CYP4X1: variants seen among roughly 807,000 people sequenced by gnomAD.
CYP4X1 encodes cytochrome P450 4X1.
In CYP4X1, 44 loss-of-function variants were observed where a neutral mutation model predicts 57.9. The observed-to-expected ratio is 0.76, with a 90% confidence interval of 0.60 to 0.98. The LOEUF (loss-of-function observed/expected upper bound fraction) is 0.98. CYP4X1 is among the 50% of genes least tolerant of loss of function. The pLI, the probability that CYP4X1 is intolerant of heterozygous loss-of-function variation, is 0.00. For missense variants in CYP4X1, 532 were observed against 623.9 expected (o/e 0.85, Z 1.57); for synonymous variants, 227 against 228.6 (o/e 0.99, Z 0.06).
chr1:46,997,243 C>T, the CYP4X1 span, among the ~76,000 whole-genome samples: 1 of 152,096 alleles, frequency 6.6e-6, no homozygotes, highest in African/African-American at 2.4e-5. Flanking sequence ...ATTATAGATT[C>T]AGGAGGTACA....
the CYP4X1 span, among the ~76,000 whole-genome samples, chr1:46,971,889 A>G: frequency 3.4e-4 from 51 of 152,100 alleles, no homozygotes; most frequent in Admixed American, 7.9e-4. Context: ...TAGACTGTCC[A>G]TGTACTCTGT....
At chr1:47,000,280 C>G in the CYP4X1 span, among the ~76,000 whole-genome samples, 3 of 152,094 alleles carry the variant, frequency 2.0e-5, no homozygotes, top group Non-Finnish European at 4.4e-5. Flanking sequence ...TTTCCTGAGG[C>G]CTCCCTAGTC....
chr1:46,963,917 A>G, the CYP4X1 span, among the ~76,000 whole-genome samples: 3 of 152,266 alleles, frequency 2.0e-5, no homozygotes, highest in East Asian at 3.9e-4. Flanking sequence ...ACATAGTCCC[A>G]TATTTCTTGG....
At chr1:46,983,359 G>C in the CYP4X1 span, among the ~76,000 whole-genome samples, 1 of 152,218 alleles carries the variant, frequency 6.6e-6, no homozygotes, top group Non-Finnish European at 1.5e-5. Context: ...ACAGGGAAGA[G>C]AGACTGGGCT....
chr1:46,980,798 C>T, the CYP4X1 span, among the ~76,000 whole-genome samples: 1 of 152,104 alleles, frequency 6.6e-6, no homozygotes, highest in Non-Finnish European at 1.5e-5. Flanking sequence ...ATCAATGGAA[C>T]AGAACAGAGG....
the CYP4X1 span, among the ~76,000 whole-genome samples, chr1:47,018,186 A>T: frequency 6.6e-6 from 1 of 152,126 alleles, no homozygotes; most frequent in African/African-American, 2.4e-5. Context: ...GGGGAGGAAG[A>T]GAGTTTTTAT....
intron 8 of CYP4X1, 25 bp downstream of exon 8, chr1:47,039,557 C>T: frequency 6.4e-7 from 1 of 1,551,334 alleles, no homozygotes; most frequent in Non-Finnish European, 8.7e-7. Flanking sequence ...CCTAAATTTT[C>T]CTGCTAGTTT....
chr1:46,973,770 G>A, the CYP4X1 span, among the ~76,000 whole-genome samples: 11 of 151,874 alleles, frequency 7.2e-5, no homozygotes, highest in Non-Finnish European at 1.0e-4. Context: ...TGGTGGTAAC[G>A]TCCTCTGTCA....
chr1:46,964,634 G>A, the CYP4X1 span, among the ~76,000 whole-genome samples: 1 of 152,208 alleles, frequency 6.6e-6, no homozygotes, highest in Admixed American at 6.5e-5. Context: ...ACCATGTGAG[G>A]TGTCAGTCTG....
intron 1 of CYP4X1, among the ~76,000 whole-genome samples, chr1:47,029,629 A>G (rs954226147): frequency 1.3e-5 from 2 of 152,164 alleles, no homozygotes; most frequent in African/African-American, 2.4e-5. Context: ...CACATAGGAA[A>G]TACTTCTTTT....
chr1:47,023,725 G>A lies in CYP4X1; in HGVS notation c.-93G>A. The A allele has an allele frequency of 1.3e-6, 2 of 1,492,064 alleles. No individual in the cohort carries two copies. The highest frequency in any genetic ancestry group is 1.8e-6 in the Non-Finnish European group (2 of 1,124,706). 92.4% of individuals were successfully genotyped at this position (1,492,064 alleles called of 1,614,324 possible). The stretch of plus-strand genomic sequence containing the variant: ...CTTCGCGAGGGCCCAGAGAGGCGGT[G>A]GGGTGGGCGACCCTACGCCAGCTCC... On this transcript the variant is annotated 5_prime_UTR_variant, in exon 1 of 12. Coordinates refer to ENST00000371901, the MANE Select transcript of CYP4X1 (RefSeq NM_178033.2).
At chr1:47,006,250 G>A in the CYP4X1 span, among the ~76,000 whole-genome samples, 1 of 152,174 alleles carries the variant, frequency 6.6e-6, no homozygotes, top group Admixed American at 6.5e-5. Context: ...TCTAAAAACT[G>A]TGGAATTGTT....
Position 47,039,724 on chromosome 1 carries a change from G to T in CYP4X1, c.1073+192G>T, listed in dbSNP as rs533878351. 95 of 376,372 alleles carry T rather than the reference G, an allele frequency of 2.5e-4. 2 individuals carry two copies. The highest frequency in any genetic ancestry group is 2.1e-3 in the East Asian group (47 of 22,332). 23.3% of individuals were successfully genotyped at this position (376,372 alleles called of 1,614,324 possible). On this transcript the variant is annotated intron_variant, in intron 8 of 11. Transcript: ENST00000371901. Reference sequence around the variant, plus strand: ...TTGTCTTTCAGGAAAAAAAAAAAAAGTTTATTTATCCATAAATTGTCTGTC... The same window carrying T: ...TTGTCTTTCAGGAAAAAAAAAAAAATTTTATTTATCCATAAATTGTCTGTC...
chr1:46,995,827 A>G, the CYP4X1 span, among the ~76,000 whole-genome samples: 1 of 152,238 alleles, frequency 6.6e-6, no homozygotes, highest in African/African-American at 2.4e-5. Flanking sequence ...CCATGCAACA[A>G]CGTACACCCC....
chr1:47,008,834 A>G, the CYP4X1 span, among the ~76,000 whole-genome samples: 1 of 152,238 alleles, frequency 6.6e-6, no homozygotes, highest in Non-Finnish European at 1.5e-5. Flanking sequence ...AGGCCATTAC[A>G]TAATGGTAAA....
intron 8 of CYP4X1, among the ~76,000 whole-genome samples, chr1:47,044,673 TG>T (rs1302065985): frequency 6.6e-6 from 1 of 152,210 alleles, no homozygotes; most frequent in African/African-American, 2.4e-5. Context: ...TTTTGTAAGA[TG>T]GGTCTAGTAG....
At chr1:47,022,250 G>A (rs1342383876), upstream of CYP4X1, among the ~76,000 whole-genome samples, 1 of 150,136 alleles carries the variant, frequency 6.7e-6, no homozygotes, top group Non-Finnish European at 1.5e-5. Flanking sequence ...GGACGAACTT[G>A]GTCCAGATGA....
chr1:46,961,829 A>T, the CYP4X1 span: 6 of 1,230,036 alleles, frequency 4.9e-6, no homozygotes, highest in East Asian at 3.4e-4. Context: ...GCCCTGCCCT[A>T]CTTAGTTGGT....
At chr1:47,016,244 T>G in the CYP4X1 span, among the ~76,000 whole-genome samples, 1 of 152,102 alleles carries the variant, frequency 6.6e-6, no homozygotes, top group African/African-American at 2.4e-5. Flanking sequence ...AAAAAAAAGT[T>G]TAAACCATCA....
Sources: allele counts gnomAD v4.1 joint callset (sites outside exome capture counted in the v4.1 genomes callset), GRCh38; gene constraint gnomAD v4.1.1; transcripts MANE v1.5; gene names NCBI Gene and HGNC (gene_info 2026-07-23, HGNC 2026-07-21).